The following GTF2A1L variants were observed in gnomAD, a reference collection of about 807,000 sequenced individuals.
GTF2A1L encodes the protein TFIIA-alpha and beta-like factor.
A neutral mutation model predicts 49.7 loss-of-function variants in GTF2A1L; 48 were observed. The observed-to-expected ratio is 0.97, with a 90% CI of 0.77 to 1.23. The LOEUF (loss-of-function observed/expected upper bound fraction) is 1.23, where lower values mean the gene tolerates loss of function less well. Among genes scored for constraint, GTF2A1L ranks in the 50% most tolerant of loss-of-function variants. The probability of loss-of-function intolerance (pLI) is 0.00; values close to 1 mark genes in which losing one functional copy is unlikely to be tolerated. For missense variants in GTF2A1L, 736 were observed against 564.8 expected (o/e 1.30, Z -3.07); for synonymous variants, 246 against 193.5 (o/e 1.27, Z -2.25).
At chr2:48,656,589 A>T (rs1678191200) in intron 6 of GTF2A1L, among the ~76,000 whole-genome samples, 1 of 151,602 alleles carries the variant, frequency 6.6e-6, no homozygotes, top group South Asian at 2.1e-4. Flanking sequence ...TATATCCTGG[A>T]TATTCACCTC....
intron 6 of GTF2A1L, among the ~76,000 whole-genome samples, chr2:48,665,276 TTCTC>T (rs200365879): frequency 1.3e-5 from 2 of 149,072 alleles, no homozygotes; most frequent in Non-Finnish European, 3.0e-5. Flanking sequence ...CCTTACTGAT[TTCTC>T]TCTCTCTTTT....
At chr2:48,632,280 C>T (rs1452946389) in intron 3 of GTF2A1L, 2 of 152,124 alleles carry the variant, frequency 1.3e-5, no homozygotes, top group African/African-American at 2.4e-5. Context: ...CTAACCTCTC[C>T]AGGAATACTA....
At chr2:48,657,032 T>C (rs7596065) in intron 6 of GTF2A1L, among the ~76,000 whole-genome samples, 148,840 of 152,314 alleles carry the variant, frequency 0.98, 72,746 homozygotes, top group East Asian at 1. Context: ...GATCTTTATT[T>C]TATTGGTGTA....
intron 6 of GTF2A1L, among the ~76,000 whole-genome samples, chr2:48,648,191 A>G (rs536265085): frequency 1.1e-4 from 17 of 152,192 alleles, no homozygotes; most frequent in Admixed American, 2.0e-4. Flanking sequence ...TAGTTTTTCT[A>G]TAAGTGTTCA....
Position 48,669,947 on chromosome 2 carries a change from G to A in GTF2A1L, c.1204G>A (p.Asp402Asn). 2 of 1,613,992 alleles carry A rather than the reference G, an allele frequency of 1.2e-6. No individual in the cohort carries two copies. Among genetic ancestry groups the A allele is most frequent in the Non-Finnish European group, 1.7e-6 (2 of 1,179,962 alleles). The change falls in exon 7 of 9, where the codon GAT becomes AAT. Residue 402 changes from aspartate (D) to asparagine (N), a missense_variant. By Grantham distance (23) the Asp-to-Asn change is conservative. Coordinates refer to ENST00000403751, the MANE Select transcript of GTF2A1L (RefSeq NM_006872.5). ...SNEDSATNSS[D>N]NEDPQVNIVE... ...TGAGGATTCAGCCACAAACAGTAGT[G>A]ATAATGAAGACCCTCAAGTAAACAT... is the stretch of plus-strand genomic sequence containing the variant.
intron 8 of GTF2A1L, among the ~76,000 whole-genome samples, 180 bp downstream of exon 8, chr2:48,671,860 T>C (rs1352783251): frequency 6.6e-6 from 1 of 152,194 alleles, no homozygotes; most frequent in Non-Finnish European, 1.5e-5. Context: ...ATCTCAGTGA[T>C]ACCAGAAAAA....
intron 4 of GTF2A1L, among the ~76,000 whole-genome samples, 179 bp downstream of exon 4, chr2:48,642,636 C>T (rs542924762): frequency 3.3e-5 from 5 of 152,224 alleles, no homozygotes; most frequent in Non-Finnish European, 4.4e-5. Context: ...AGGTGGATTG[C>T]CTGAGATCAG....
chr2:48,664,007 C>T (rs1338604620), intron 6 of GTF2A1L, among the ~76,000 whole-genome samples: 3 of 152,146 alleles, frequency 2.0e-5, no homozygotes, highest in Non-Finnish European at 2.9e-5. Context: ...TATCCTGTGA[C>T]CTCGTTAAAC....
chr2:48,631,471 T>C (rs988196116), intron 3 of GTF2A1L, among the ~76,000 whole-genome samples: 1 of 152,150 alleles, frequency 6.6e-6, no homozygotes, highest in Non-Finnish European at 1.5e-5. Context: ...TGTAATGTCA[T>C]CTTTGTCATT....
At chr2:48,655,608 A>T (rs893310413) in intron 6 of GTF2A1L, among the ~76,000 whole-genome samples, 2 of 152,216 alleles carry the variant, frequency 1.3e-5, no homozygotes, top group Non-Finnish European at 2.9e-5. Flanking sequence ...CAGTACTTTG[A>T]TCAGTTTTGC....
chr2:48,646,374 T>C, intron 5 of GTF2A1L, 79 bp from the exon 6 acceptor site: 1 of 250,648 alleles, frequency 4.0e-6, no homozygotes, highest in Non-Finnish European at 6.5e-6. Flanking sequence ...GTGGATGAGA[T>C]TTTTTTTTTT....
chr2:48,647,086 T>C, intron 6 of GTF2A1L, 44 bp downstream of exon 6: 10 of 1,461,146 alleles, frequency 6.8e-6, no homozygotes, highest in Non-Finnish European at 9.2e-6. Context: ...GGACAGATAG[T>C]GGCCAGTAAC....
intron 6 of GTF2A1L, among the ~76,000 whole-genome samples, chr2:48,657,217 A>G (rs940824115): frequency 2.0e-5 from 3 of 152,186 alleles, no homozygotes; most frequent in Non-Finnish European, 2.9e-5. Flanking sequence ...AACTATGCAT[A>G]GTACCCAAAA....
At chr2:48,623,269 T>A (rs1403701781) in intron 3 of GTF2A1L, among the ~76,000 whole-genome samples, 1 of 152,214 alleles carries the variant, frequency 6.6e-6, no homozygotes, top group African/African-American at 2.4e-5. Flanking sequence ...TCTAGAATTT[T>A]TTTATCTCTT....
At chr2:48,650,430 A>T (rs1026349061) in intron 6 of GTF2A1L, among the ~76,000 whole-genome samples, 3 of 152,212 alleles carry the variant, frequency 2.0e-5, no homozygotes, top group African/African-American at 7.2e-5. Flanking sequence ...AGAACCACTG[A>T]TGTAGCTCAA....
intron 7 of GTF2A1L, 135 bp from the exon 8 acceptor site, chr2:48,671,456 G>A: frequency 1.3e-6 from 1 of 773,922 alleles, no homozygotes; most frequent in African/African-American, 1.8e-5. Flanking sequence ...TGCCTGCCTA[G>A]GCCTCCCGTA....
chr2:48,662,970 A>C (rs1394066757), intron 6 of GTF2A1L, among the ~76,000 whole-genome samples: 1 of 152,100 alleles, frequency 6.6e-6, no homozygotes, highest in African/African-American at 2.4e-5. Context: ...TACTATGCTT[A>C]TTACCTGGGT....
chr2:48,625,516 G>GT, intron 3 of GTF2A1L, among the ~76,000 whole-genome samples: 1 of 143,986 alleles, frequency 6.9e-6, no homozygotes, highest in East Asian at 1.9e-4. Context: ...GTTGGCTGCT[G>GT]TTTTATTTTG....
rs1164398977 is a variant in GTF2A1L, at chr2:48,627,418, T to A, written c.247+6128T>A. 2.7e-4 allele frequency among the ~76,000 whole-genome samples: 39 copies of A among 144,040 alleles called. 6 individuals are homozygous for A. The Admixed American group carries it at 2.7e-3, about 10-fold the overall frequency. 94.5% of individuals were successfully genotyped at this position (144,040 alleles called of 152,430 possible). ...TACATTGGTTATTTGGAAAAATTGG[T>A]TTCCTGTCATACAGTTGAAACGTTG... On this transcript the variant is annotated intron_variant, in intron 3 of 8. Transcript: ENST00000403751.
Sources: allele counts gnomAD v4.1 joint callset (sites outside exome capture counted in the v4.1 genomes callset), GRCh38; gene constraint gnomAD v4.1.1; transcripts MANE v1.5; gene names NCBI Gene and HGNC (gene_info 2026-07-23, HGNC 2026-07-21).